Variants in MTMR1 observed in about 807,000 individuals in gnomAD.
MTMR1 encodes phosphatidylinositol-3-phosphate phosphatase MTMR1.
In MTMR1, 17 loss-of-function variants were observed where a neutral mutation model predicts 51.6. The observed-to-expected ratio is 0.33, with a 90% confidence interval of 0.23 to 0.49. MTMR1 has a LOEUF of 0.49. Among genes scored for constraint, MTMR1 ranks in the 20% least tolerant of loss-of-function variants. The pLI, the probability that MTMR1 is intolerant of heterozygous loss-of-function variation, is 0.99. For synonymous variants in MTMR1, 201 were observed against 205.6 expected (o/e 0.98, Z 0.19); for missense variants, 386 against 526.9 (o/e 0.73, Z 2.62).
chrX:150,711,764 C>A (rs184110982), intron 2 of MTMR1, among the ~76,000 whole-genome samples: 3 of 112,067 alleles, frequency 2.7e-5, no homozygotes, highest in African/African-American at 9.7e-5. Flanking sequence ...CAGTAGTGGC[C>A]ACATTGGAGT....
chrX:150,742,225 A>G (rs1157551102), intron 12 of MTMR1, among the ~76,000 whole-genome samples: 1 of 112,325 alleles, frequency 8.9e-6, no homozygotes, highest in Admixed American at 9.4e-5. Flanking sequence ...GCTAACATCT[A>G]GGCTATATGG....
chrX:150,762,019 G>A (rs1317469087), intron 15 of MTMR1, among the ~76,000 whole-genome samples: 7 of 112,768 alleles, frequency 6.2e-5, no homozygotes, highest in East Asian at 2.8e-4. Context: ...CCCCCCTGCC[G>A]GCACTGCCCG....
At chrX:150,733,581 C>T (rs1353954534) in intron 10 of MTMR1, among the ~76,000 whole-genome samples, 1 of 110,342 alleles carries the variant, frequency 9.1e-6, no homozygotes, top group Non-Finnish European at 1.9e-5. Context: ...TTGGTGAGAC[C>T]CCTTGGCTTT....
intron 4 of MTMR1, among the ~76,000 whole-genome samples, chrX:150,724,214 C>T (rs2041852185): frequency 9.0e-6 from 1 of 111,190 alleles, no homozygotes; most frequent in Non-Finnish European, 1.9e-5. Flanking sequence ...TGTAAGCATT[C>T]CCTTTTCTCT....
chrX:150,760,817 C>T (rs781956000), intron 15 of MTMR1, among the ~76,000 whole-genome samples: 1 of 109,660 alleles, frequency 9.1e-6, no homozygotes, highest in African/African-American at 3.3e-5. Context: ...ATCCCAGCTG[C>T]TCAGGAGGCT....
At chrX:150,752,624 G>GTTTTTTTTTTTTTTT in intron 14 of MTMR1, among the ~76,000 whole-genome samples, 1 of 57,470 alleles carries the variant, frequency 1.7e-5, no homozygotes, top group Non-Finnish European at 3.0e-5. Flanking sequence ...GCTTTATCTT[G>GTTTTTTTTTTTTTTT]TTTTTTTTTT....
intron 10 of MTMR1, chrX:150,735,356 CATAT>C (rs2042234821): frequency 9.4e-6 from 4 of 427,532 alleles, no homozygotes; most frequent in Non-Finnish European, 1.6e-5. Context: ...CAGTCCCCTT[CATAT>C]ACTCTTGGAT....
intron 2 of MTMR1, among the ~76,000 whole-genome samples, chrX:150,710,581 G>A (rs2041274089): frequency 9.0e-6 from 1 of 111,566 alleles, no homozygotes; most frequent in Admixed American, 9.5e-5. Flanking sequence ...GGCTGGTTTC[G>A]AAATCCTGAC....
chrX:150,742,834 A>AAAAAAAAAAAG (rs1557417357), intron 12 of MTMR1, among the ~76,000 whole-genome samples: 2 of 101,887 alleles, frequency 2.0e-5, no homozygotes, highest in African/African-American at 7.8e-5. Context: ...AAAAAAAAAA[A>AAAAAAAAAAAG]AAAGAAAGAA....
In MTMR1 at chrX:150,762,992, G is replaced by T. The variant is rs782589817; in HGVS notation, c.*263G>T. 4 of 285,219 alleles carry T rather than the reference G, an allele frequency of 1.4e-5. No individual in the cohort carries two copies. Among genetic ancestry groups the T allele is most frequent in the Non-Finnish European group, 2.4e-5 (4 of 163,343 alleles). 23.5% of individuals were successfully genotyped at this position (285,219 alleles called of 1,213,427 possible). A position where few individuals can be genotyped will look rare whatever the true frequency, so the allele number is the denominator to read the frequency against. On this transcript the variant is annotated 3_prime_UTR_variant, in exon 16 of 16. Coordinates refer to ENST00000445323, the MANE Select transcript of MTMR1 (RefSeq NM_001306144.3). ...GGAGAAACTAAGTGAACGGAATGCA[G>T]TACTGAGGTTCAAGAAAGCTGTACG... is the stretch of plus-strand genomic sequence containing the variant.
chrX:150,730,417 A>G (rs2042081067), intron 7 of MTMR1, 108 bp from the exon 8 acceptor site: 10 of 591,426 alleles, frequency 1.7e-5, no homozygotes, highest in Non-Finnish European at 2.6e-5. Flanking sequence ...ACAGACTAAA[A>G]TAGGAATCTT....
Position 150,762,892 on chromosome X carries a change from C to CCTGTCAGCGGTTTCACAGGGGAGCCGT in MTMR1, c.*170_*196dup. 1 of 577,706 alleles carries CCTGTCAGCGGTTTCACAGGGGAGCCGT rather than the reference C, an allele frequency of 1.7e-6. No individual in the cohort carries two copies. The highest frequency in any genetic ancestry group is 2.5e-6 in the Non-Finnish European group (1 of 406,093). 47.6% of individuals were successfully genotyped at this position (577,706 alleles called of 1,213,427 possible). On this transcript the variant is annotated 3_prime_UTR_variant, in exon 16 of 16. Transcript: ENST00000445323. Reference sequence around the variant, plus strand: ...TCCCACTGTTGGCAACCGTTACCCTCCTGTCAGCGGTTTCACAGGGGAGCC... The same window carrying CCTGTCAGCGGTTTCACAGGGGAGCCGT: ...TCCCACTGTTGGCAACCGTTACCCTCCTGTCAGCGGTTTCACAGGGGAGCCGTCTGTCAGCGGTTTCACAGGGGAGCC...
At chrX:150,723,759 C>G (rs1291186599) in intron 4 of MTMR1, among the ~76,000 whole-genome samples, 4 of 111,690 alleles carry the variant, frequency 3.6e-5, no homozygotes, top group Admixed American at 2.9e-4. Flanking sequence ...GCCCCAATGT[C>G]TGTTGTTCCC....
chrX:150,762,908 C>A lies in MTMR1; in HGVS notation c.*179C>A. ...CGTTACCCTCCTGTCAGCGGTTTCA[C>A]AGGGGAGCCGTCTGTCACGCCCACC... On this transcript the variant is annotated 3_prime_UTR_variant, in exon 16 of 16. Coordinates refer to ENST00000445323, the MANE Select transcript of MTMR1 (RefSeq NM_001306144.3). 4.0e-6 allele frequency: 2 copies of A among 501,382 alleles called. No individual in the cohort carries two copies. The highest frequency in any genetic ancestry group is 5.9e-6 in the Non-Finnish European group (2 of 337,518). 41.3% of individuals were successfully genotyped at this position (501,382 alleles called of 1,213,427 possible).
At chrX:150,745,690 A>G (rs1333709579) in intron 13 of MTMR1, among the ~76,000 whole-genome samples, 2 of 112,201 alleles carry the variant, frequency 1.8e-5, no homozygotes, top group Non-Finnish European at 3.8e-5. Flanking sequence ...TTGAGTGCAC[A>G]CAGCCAGCCC....
In MTMR1 at chrX:150,764,787, AT is replaced by A. The variant is rs1432561368; in HGVS notation, c.*2063del. 1 of 112,805 alleles carries A rather than the reference AT, an allele frequency of 8.9e-6. No homozygotes were observed. Among genetic ancestry groups the A allele is most frequent in the African/African-American group, 3.2e-5 (1 of 31,034 alleles). The allele number at this position is 112,805 out of a possible 1,213,427, so 9.3% of individuals were successfully genotyped here. A position where few individuals can be genotyped will look rare whatever the true frequency, so the allele number is the denominator to read the frequency against. ...GAAGTATAGTTTTGTTATCTAAGCA[AT>A]TTTTGTTTTAAGTAAGTAAGTGTAC... On this transcript the variant is annotated 3_prime_UTR_variant, in exon 16 of 16. Transcript: ENST00000445323.
chrX:150,732,729 A>G lies in MTMR1; in HGVS notation c.1079A>G (p.Lys360Arg). The change falls in exon 10 of 16, where the codon AAG becomes AGG. Residue 360 changes from lysine to arginine, a missense_variant and splice_region_variant. By Grantham distance (26) the Lys-to-Arg change is conservative. Transcript: ENST00000445323. ...CAAAACAGTGTCGCTGATACCAACA[A>G]GGTATATTCTTAATAGCACTGCAGA... is the stretch of plus-strand genomic sequence containing the variant. ...ARQNSVADTNKTKGGGYESES... is the reference protein window; with the variant it reads ...ARQNSVADTNRTKGGGYESES... The G allele has an allele frequency of 8.4e-7, 1 of 1,191,603 alleles. No homozygotes were observed. The highest frequency in any genetic ancestry group is 3.0e-5 in the East Asian group (1 of 33,335).
chrX:150,732,624 G>A lies in MTMR1; in HGVS notation c.974G>A (p.Cys325Tyr). The stretch of plus-strand genomic sequence containing the variant: ...CTTGTGGGTCCCAATGATAAGCGCT[G>A]CAAAGAGGATGAAAAATACTTGCAA... ...QPLVGPNDKR[C>Y]KEDEKYLQTI... is the part of the protein sequence containing the mutation. Residue 325 changes from cysteine (C) to tyrosine (Y), a missense_variant, in exon 10 of 16, where the codon TGC becomes TAC. Cys to Tyr is a radical substitution (Grantham distance 194). Coordinates refer to ENST00000445323, the MANE Select transcript of MTMR1 (RefSeq NM_001306144.3). The A allele has an allele frequency of 8.3e-7, 1 of 1,211,428 alleles. No homozygotes were observed. The highest frequency in any genetic ancestry group is 1.1e-6 in the Non-Finnish European group (1 of 895,246).
intron 9 of MTMR1, 92 bp from the exon 10 acceptor site, chrX:150,732,450 G>A (rs1307486543): frequency 2.3e-5 from 19 of 827,635 alleles, no homozygotes; most frequent in South Asian, 1.2e-4. Flanking sequence ...ATAAGAGACC[G>A]TGCTTGAGAA....
Sources: allele counts gnomAD v4.1 joint callset (sites outside exome capture counted in the v4.1 genomes callset), GRCh38; gene constraint gnomAD v4.1.1; transcripts MANE v1.5; gene names NCBI Gene and HGNC (gene_info 2026-07-23, HGNC 2026-07-21).